Variants in CYRIA observed in about 807,000 individuals in gnomAD.
CYRIA encodes the protein CYFIP-related Rac1 interactor A.
In CYRIA, 15 loss-of-function variants were observed where a neutral mutation model predicts 43.9. The observed-to-expected ratio is 0.34, with a 90% CI of 0.23 to 0.53. The LOEUF (loss-of-function observed/expected upper bound fraction) is 0.53. CYRIA is among the 20% of genes least tolerant of loss of function. The pLI is 0.94. For synonymous variants in CYRIA, 117 were observed against 136.0 expected (o/e 0.86, Z 0.97); for missense variants, 236 against 394.2 (o/e 0.60, Z 3.40).
At position 16,584,881 on chromosome 2, in the gene CYRIA, C is replaced by T. The variant is rs566924612; in HGVS notation, c.70+3169G>A. Among the ~76,000 whole-genome samples, 9 of 152,270 alleles carry T rather than the reference C, an allele frequency of 5.9e-5. 1 individual carries two copies. In the Middle Eastern group the frequency reaches 0.01, roughly 173 times the overall value. On this transcript the variant is annotated intron_variant, in intron 3 of 11. Coordinates refer to ENST00000381323, the MANE Select transcript of CYRIA (RefSeq NM_030797.4). ...AAGACTTCTCCAATTCCTTCCATGG[C>T]CTTCTGTTTCCCAAAACTAGATGTA... is the stretch of plus-strand genomic sequence containing the variant.
At chr2:16,639,074 T>C (rs929162316) in intron 1 of CYRIA, among the ~76,000 whole-genome samples, 5 of 152,148 alleles carry the variant, frequency 3.3e-5, no homozygotes, top group Non-Finnish European at 5.9e-5. Context: ...AAAGAATAAA[T>C]TGGGAGGGAG....
chr2:16,582,683 C>T (rs11096647), intron 3 of CYRIA, among the ~76,000 whole-genome samples: 1 of 152,050 alleles, frequency 6.6e-6, no homozygotes, highest in African/African-American at 2.4e-5. Context: ...GTCATATCAC[C>T]TATCAGTACT....
At chr2:16,611,035 T>C (rs1326162511) in intron 2 of CYRIA, among the ~76,000 whole-genome samples, 2 of 151,372 alleles carry the variant, frequency 1.3e-5, no homozygotes, top group African/African-American at 4.9e-5. Flanking sequence ...CCATCCCCTG[T>C]ATCTAGCACA....
intron 1 of CYRIA, among the ~76,000 whole-genome samples, chr2:16,630,132 C>A (rs1669285530): frequency 2.0e-5 from 3 of 152,326 alleles, no homozygotes; most frequent in South Asian, 2.1e-4. Context: ...GGATGTTCTA[C>A]CAGCCCTCGC....
At chr2:16,566,837 T>C (rs1666950053) in intron 3 of CYRIA, among the ~76,000 whole-genome samples, 1 of 152,132 alleles carries the variant, frequency 6.6e-6, no homozygotes, top group African/African-American at 2.4e-5. Flanking sequence ...CAATAGGTTA[T>C]CTCCCTGGCC....
chr2:16,580,695 T>C (rs1667522148), intron 3 of CYRIA, among the ~76,000 whole-genome samples: 2 of 152,124 alleles, frequency 1.3e-5, no homozygotes, highest in Admixed American at 1.3e-4. Context: ...AAAACAGTCT[T>C]CCAAAAGAGT....
intron 2 of CYRIA, among the ~76,000 whole-genome samples, chr2:16,591,626 G>A (rs576270642): frequency 3.3e-4 from 50 of 152,146 alleles, no homozygotes; most frequent in South Asian, 2.1e-3. Flanking sequence ...TGGGAACTCC[G>A]GTTTCTACAT....
At chr2:16,587,430 T>C (rs1386068785) in intron 3 of CYRIA, among the ~76,000 whole-genome samples, 1 of 152,138 alleles carries the variant, frequency 6.6e-6, no homozygotes, top group Admixed American at 6.6e-5. Flanking sequence ...AATGATCCTC[T>C]ATTTATGCTA....
intron 2 of CYRIA, among the ~76,000 whole-genome samples, chr2:16,622,643 T>A (rs1669034631): frequency 6.6e-6 from 1 of 152,188 alleles, no homozygotes; most frequent in African/African-American, 2.4e-5. Flanking sequence ...ACCTTACAGG[T>A]GGGGAAACAG....
In CYRIA at chr2:16,563,678, C is replaced by T. The variant is rs144464836; in HGVS notation, c.298+311G>A. 7.0e-4 allele frequency among the ~76,000 whole-genome samples: 107 copies of T among 152,282 alleles called. 1 individual carries two copies. In the East Asian group the frequency reaches 0.015, roughly 21 times the overall value. On this transcript the variant is annotated intron_variant, in intron 5 of 11. Coordinates refer to ENST00000381323, the MANE Select transcript of CYRIA (RefSeq NM_030797.4). ...GAGCAGGTAACCTGTTATCTTTTAA[C>T]TTCTCTGTTATTCAGAAATGTGATC...
rs1666332534 is a variant in CYRIA, at chr2:16,552,014, G to A, written c.*922C>T. 1 of 151,966 alleles carries A rather than the reference G, an allele frequency of 6.6e-6. No individual in the cohort carries two copies. Among genetic ancestry groups the A allele is most frequent in the Non-Finnish European group, 1.5e-5 (1 of 67,972 alleles). The allele number at this position is 151,966 out of a possible 1,614,324, so 9.4% of individuals were successfully genotyped here. A position where few individuals can be genotyped will look rare whatever the true frequency, so the allele number is the denominator to read the frequency against. On this transcript the variant is annotated 3_prime_UTR_variant, in exon 12 of 12. Transcript: ENST00000381323. ...AACTAATGCAGTATCCTAGACCTTT[G>A]TTCTCATATGAATGGTCTTCAGAGA...
At chr2:16,664,241 T>TCGACCC in intron 1 of CYRIA, among the ~76,000 whole-genome samples, 1 of 152,156 alleles carries the variant, frequency 6.6e-6, no homozygotes, top group Admixed American at 6.5e-5. Flanking sequence ...TGTTTCCACC[T>TCGACCC]CGCTTTCCCA....
chr2:16,608,852 T>C (rs908579697), intron 2 of CYRIA, among the ~76,000 whole-genome samples: 27 of 152,280 alleles, frequency 1.8e-4, no homozygotes, highest in Non-Finnish European at 2.9e-4. Flanking sequence ...GAAAGCCGAC[T>C]CAGACCACCA....
intron 1 of CYRIA, among the ~76,000 whole-genome samples, chr2:16,640,975 G>C (rs771629160): frequency 6.7e-6 from 1 of 149,088 alleles, no homozygotes; most frequent in Non-Finnish European, 1.5e-5. Context: ...AGTTTCTCAG[G>C]GAGGGCCCAG....
chr2:16,655,947 T>C (rs1372486914), intron 1 of CYRIA, among the ~76,000 whole-genome samples: 2 of 152,202 alleles, frequency 1.3e-5, no homozygotes, highest in Admixed American at 6.5e-5. Context: ...TCAGTTGCTT[T>C]CTGCCAGTTA....
intron 2 of CYRIA, among the ~76,000 whole-genome samples, chr2:16,612,808 C>T (rs2103493442): frequency 6.6e-6 from 1 of 152,320 alleles, no homozygotes; most frequent in South Asian, 2.1e-4. Context: ...CTGACTCTGT[C>T]CCCACCCAAA....
At chr2:16,627,649 C>T (rs143073928) in intron 1 of CYRIA, among the ~76,000 whole-genome samples, 5 of 152,190 alleles carry the variant, frequency 3.3e-5, no homozygotes, top group Non-Finnish European at 5.9e-5. Flanking sequence ...TTCTGCAAAG[C>T]CAAATAGTGG....
chr2:16,641,328 C>G (rs764933174), intron 1 of CYRIA, among the ~76,000 whole-genome samples: 1 of 152,154 alleles, frequency 6.6e-6, no homozygotes, highest in Admixed American at 6.5e-5. Flanking sequence ...GTATGCCACG[C>G]CTTCAGCCCA....
chr2:16,643,295 C>T (rs1669729205), intron 1 of CYRIA, among the ~76,000 whole-genome samples: 2 of 152,082 alleles, frequency 1.3e-5, no homozygotes, highest in Non-Finnish European at 2.9e-5. Context: ...CAATGAATGG[C>T]ATTGAGCCAC....
Sources: gnomAD v4.1 joint callset for allele counts (sites outside exome capture counted in the v4.1 genomes callset) on GRCh38, gnomAD v4.1.1 for gene constraint, MANE v1.5 for transcripts, NCBI Gene and HGNC (gene_info 2026-07-23, HGNC 2026-07-21) for gene names.